The following LRRC28 variants were observed in gnomAD, a reference collection of about 807,000 sequenced individuals.
The protein encoded by LRRC28 is leucine rich repeat containing 28, also known as leucine-rich repeat-containing protein 28.
Under a neutral mutation model 45.7 loss-of-function variants are expected in LRRC28, and 39 were observed. That is an observed-to-expected ratio of 0.85 (90% CI 0.66 to 1.12). LRRC28 has a LOEUF of 1.12. LRRC28 is among the 50% of genes most tolerant of loss of function. The pLI, the probability that LRRC28 is intolerant of heterozygous loss-of-function variation, is 0.00. For missense variants in LRRC28, 435 were observed against 438.5 expected (o/e 0.99, Z 0.07); for synonymous variants, 206 against 178.8 (o/e 1.15, Z -1.22).
chr15:99,314,683 G>A (rs1955533441), intron 5 of LRRC28, among the ~76,000 whole-genome samples: 1 of 152,236 alleles, frequency 6.6e-6, no homozygotes, highest in East Asian at 1.9e-4. Flanking sequence ...TACGTAAACT[G>A]CTTTAAAGTG....
At chr15:99,321,476 T>C (rs543517223) in intron 5 of LRRC28, among the ~76,000 whole-genome samples, 1 of 152,336 alleles carries the variant, frequency 6.6e-6, no homozygotes, top group South Asian at 2.1e-4. Context: ...TCTTATAGAA[T>C]ACTCCCATCA....
chr15:99,360,673 G>C (rs151230814), intron 7 of LRRC28, among the ~76,000 whole-genome samples: 1 of 152,260 alleles, frequency 6.6e-6, no homozygotes, highest in East Asian at 1.9e-4. Flanking sequence ...AAGTATTGAG[G>C]CTCTTAGGTT....
At chr15:99,385,946 C>A (rs1957973069) in intron 9 of LRRC28, 84 bp from the exon 10 acceptor site, 1 of 1,264,832 alleles carries the variant, frequency 7.9e-7, no homozygotes, top group Non-Finnish European at 1.2e-6. Flanking sequence ...TCCATTTTAA[C>A]AAAGAAAAAA....
In LRRC28 at chr15:99,388,779, G is replaced by A. The variant is rs1958102954; in HGVS notation, c.*2677G>A. 6.6e-6 allele frequency: 1 copy of A among 152,176 alleles called. No homozygotes were observed. Among genetic ancestry groups the A allele is most frequent in the South Asian group, 2.1e-4 (1 of 4,834 alleles). 9.4% of individuals were successfully genotyped at this position (152,176 alleles called of 1,614,324 possible). On this transcript the variant is annotated 3_prime_UTR_variant, in exon 10 of 10. Transcript: ENST00000301981. Reference sequence around the variant, plus strand: ...GTAATGCAAAAAAAGTGAGCTACTTGGAAAGTATCATCTCTGTTCAGGTAA... The same window carrying A: ...GTAATGCAAAAAAAGTGAGCTACTTAGAAAGTATCATCTCTGTTCAGGTAA...
chr15:99,303,112 T>C (rs1298908842), intron 5 of LRRC28, among the ~76,000 whole-genome samples: 1 of 152,270 alleles, frequency 6.6e-6, no homozygotes, highest in Non-Finnish European at 1.5e-5. Flanking sequence ...CCACTAGCAG[T>C]GTATGAGGGT....
chr15:99,290,313 A>T (rs1216561367), intron 5 of LRRC28, among the ~76,000 whole-genome samples: 1 of 151,924 alleles, frequency 6.6e-6, no homozygotes, highest in African/African-American at 2.4e-5. Context: ...ACTGTGTTTT[A>T]AAAAATATTT....
chr15:99,259,554 T>C, intron 2 of LRRC28: 2 of 1,343,930 alleles, frequency 1.5e-6, no homozygotes, highest in East Asian at 4.6e-5. Flanking sequence ...CTGTGTGCTT[T>C]GGTGGCCAGC....
intron 5 of LRRC28, among the ~76,000 whole-genome samples, chr15:99,297,662 A>G (rs1018493833): frequency 6.6e-6 from 1 of 151,038 alleles, no homozygotes; most frequent in Admixed American, 6.6e-5. Flanking sequence ...GTATAATTAA[A>G]TATACATATA....
intron 6 of LRRC28, among the ~76,000 whole-genome samples, chr15:99,339,584 A>G (rs1021253935): frequency 4.6e-5 from 7 of 152,162 alleles, no homozygotes; most frequent in African/African-American, 1.7e-4. Context: ...TACAAAAATT[A>G]GCTGGGTGTG....
intron 2 of LRRC28, among the ~76,000 whole-genome samples, chr15:99,264,341 G>A (rs2081278827): frequency 1.3e-5 from 2 of 152,228 alleles, no homozygotes; most frequent in Admixed American, 6.5e-5. Context: ...ACAGGGCTGT[G>A]GCATGTCTAG....
At chr15:99,253,043 G>C (rs1172325048) in intron 1 of LRRC28, among the ~76,000 whole-genome samples, 2 of 152,060 alleles carry the variant, frequency 1.3e-5, no homozygotes, top group East Asian at 3.8e-4. Context: ...GTGACAAATT[G>C]TGAGGAGTCC....
intron 3 of LRRC28, among the ~76,000 whole-genome samples, chr15:99,279,930 G>A (rs1023092532): frequency 8.5e-5 from 13 of 152,084 alleles, no homozygotes; most frequent in African/African-American, 2.9e-4. Context: ...CATTTCCCCT[G>A]GCAATGTATG....
intron 5 of LRRC28, among the ~76,000 whole-genome samples, chr15:99,324,109 C>G (rs1955890416): frequency 6.6e-6 from 1 of 152,118 alleles, no homozygotes; most frequent in African/African-American, 2.4e-5. Flanking sequence ...TGCCTAAAAC[C>G]TCAAATAGCA....
In LRRC28 at chr15:99,388,862, T is replaced by G. The variant is rs1168927919; in HGVS notation, c.*2760T>G. 1 of 152,210 alleles carries G rather than the reference T, an allele frequency of 6.6e-6. No individual in the cohort carries two copies. Among genetic ancestry groups the G allele is most frequent in the African/African-American group, 2.4e-5 (1 of 41,442 alleles). 9.4% of individuals were successfully genotyped at this position (152,210 alleles called of 1,614,324 possible). A position where few individuals can be genotyped will look rare whatever the true frequency, so the allele number is the denominator to read the frequency against. On this transcript the variant is annotated 3_prime_UTR_variant, in exon 10 of 10. Coordinates refer to ENST00000301981, the MANE Select transcript of LRRC28 (RefSeq NM_144598.5). ...ATAAGTTTTAAAGTCCAGGATAGCC[T>G]CATGAGCATAGGCCTTCCTATGAAG...
intron 5 of LRRC28, among the ~76,000 whole-genome samples, chr15:99,304,963 T>A (rs1161384868): frequency 6.6e-6 from 1 of 152,188 alleles, no homozygotes; most frequent in Non-Finnish European, 1.5e-5. Context: ...TGTGCCTCTT[T>A]TCAACAATAT....
At chr15:99,311,805 G>A (rs919728516) in intron 5 of LRRC28, among the ~76,000 whole-genome samples, 4 of 152,046 alleles carry the variant, frequency 2.6e-5, no homozygotes, top group Admixed American at 6.6e-5. Flanking sequence ...ATGATCTATC[G>A]GATATGGTAA....
At chr15:99,306,275 C>T (rs1377415806) in intron 5 of LRRC28, among the ~76,000 whole-genome samples, 1 of 152,172 alleles carries the variant, frequency 6.6e-6, no homozygotes, top group Non-Finnish European at 1.5e-5. Context: ...ATGCCGGCAC[C>T]CTGCCAGGAA....
chr15:99,297,023 C>T (rs1273610668), intron 5 of LRRC28, among the ~76,000 whole-genome samples: 2 of 151,802 alleles, frequency 1.3e-5, no homozygotes, highest in Non-Finnish European at 2.9e-5. Context: ...CTGCCAGATA[C>T]AAAAATAATT....
chr15:99,361,939 C>T (rs942764908), intron 8 of LRRC28, among the ~76,000 whole-genome samples: 11 of 152,146 alleles, frequency 7.2e-5, no homozygotes, highest in Non-Finnish European at 1.5e-4. Flanking sequence ...TTGGATACGT[C>T]AATAGAGCAG....
Sources: allele counts gnomAD v4.1 joint callset (sites outside exome capture counted in the v4.1 genomes callset), GRCh38; gene constraint gnomAD v4.1.1; transcripts MANE v1.5; gene names NCBI Gene and HGNC (gene_info 2026-07-23, HGNC 2026-07-21).